FRMPD4: variants seen among roughly 807,000 people sequenced by gnomAD.
FRMPD4 encodes the protein FERM and PDZ domain-containing protein 4.
A neutral mutation model predicts 94.1 loss-of-function variants in FRMPD4; 22 were observed. That is an observed-to-expected ratio of 0.23 (90% confidence interval 0.17 to 0.33). The LOEUF (loss-of-function observed/expected upper bound fraction) is 0.33. Ranked by LOEUF, FRMPD4 falls within the 10% of genes least tolerant of loss-of-function variation. The pLI, the probability that FRMPD4 is intolerant of heterozygous loss-of-function variation, is 1.00. For synonymous variants in FRMPD4, 631 were observed against 548.6 expected (o/e 1.15, Z -2.10); for missense variants, 1,111 against 1,339.9 (o/e 0.83, Z 2.67).
chrX:12,194,761 A>AG (rs2056547097), intron 1 of FRMPD4, among the ~76,000 whole-genome samples: 1 of 111,889 alleles, frequency 8.9e-6, no homozygotes, highest in Non-Finnish European at 1.9e-5. Flanking sequence ...GATCTTTTTC[A>AG]GGGGGGAATA....
At chrX:12,465,448 G>A (rs1251459540) in intron 1 of FRMPD4, among the ~76,000 whole-genome samples, 2 of 111,346 alleles carry the variant, frequency 1.8e-5, no homozygotes, top group Non-Finnish European at 3.8e-5. Flanking sequence ...TGTCTTGGTG[G>A]CACAATCTAA....
intron 1 of FRMPD4, among the ~76,000 whole-genome samples, chrX:11,863,276 G>T (rs986679394): frequency 1.8e-5 from 2 of 109,308 alleles, no homozygotes; most frequent in African/African-American, 6.7e-5. Context: ...GCAGTGTTTG[G>T]TTTTTTGTCC....
At chrX:12,651,973 T>C (rs1180501543) in intron 4 of FRMPD4, among the ~76,000 whole-genome samples, 1 of 112,424 alleles carries the variant, frequency 8.9e-6, no homozygotes, top group African/African-American at 3.2e-5. Flanking sequence ...GGGTTCAAAA[T>C]TTTTCACATC....
intron 1 of FRMPD4, among the ~76,000 whole-genome samples, chrX:12,407,887 G>A (rs983937704): frequency 9.0e-6 from 1 of 110,985 alleles, no homozygotes; most frequent in African/African-American, 3.3e-5. Flanking sequence ...AGAATATTGT[G>A]ATTCGGGCCT....
At chrX:12,254,569 A>C (rs2054089123) in intron 1 of FRMPD4, among the ~76,000 whole-genome samples, 1 of 112,068 alleles carries the variant, frequency 8.9e-6, no homozygotes, top group Non-Finnish European at 1.9e-5. Flanking sequence ...TGCTCATCTC[A>C]GTCAAAATTT....
intron 2 of FRMPD4, among the ~76,000 whole-genome samples, chrX:12,543,016 T>C (rs951156081): frequency 3.6e-5 from 4 of 112,004 alleles, no homozygotes; most frequent in Admixed American, 2.8e-4. Flanking sequence ...TAAATGGTGC[T>C]GGGAAAACTG....
At chrX:12,077,853 C>T (rs886343753) in intron 3 of FRMPD4, among the ~76,000 whole-genome samples, 1 of 111,844 alleles carries the variant, frequency 8.9e-6, no homozygotes, top group Non-Finnish European at 1.9e-5. Context: ...AATCACTGCT[C>T]CTCCATGGGG....
At chrX:12,492,458 T>C (rs955881655) in intron 1 of FRMPD4, among the ~76,000 whole-genome samples, 2 of 112,289 alleles carry the variant, frequency 1.8e-5, no homozygotes, top group Non-Finnish European at 3.8e-5. Flanking sequence ...GTATTTCAAT[T>C]TGGTTGTTAA....
At chrX:12,265,476 T>C (rs564496734) in intron 1 of FRMPD4, among the ~76,000 whole-genome samples, 1 of 112,075 alleles carries the variant, frequency 8.9e-6, no homozygotes, top group Admixed American at 9.4e-5. Context: ...TGCTAGATGA[T>C]GACAGTGAGC....
chrX:11,999,039 C>A (rs1443893121), intron 3 of FRMPD4, among the ~76,000 whole-genome samples: 1 of 111,923 alleles, frequency 8.9e-6, no homozygotes, highest in Non-Finnish European at 1.9e-5. Flanking sequence ...TGTGTAATCT[C>A]TGGATAATTT....
intron 4 of FRMPD4, among the ~76,000 whole-genome samples, chrX:12,648,500 C>G (rs2059568053): frequency 8.9e-6 from 1 of 111,869 alleles, no homozygotes; most frequent in Admixed American, 9.6e-5. Flanking sequence ...TCCAAGATAT[C>G]TATCTGTAGT....
rs140150502 is a variant in FRMPD4, at chrX:11,922,890, G to T, written c.95+44872G>T. 6.7e-3 allele frequency among the ~76,000 whole-genome samples: 754 copies of T among 112,889 alleles called. 7 individuals are homozygous for T. The highest frequency in any genetic ancestry group is 0.022 in the African/African-American group (697 of 31,137). ...AAGGTGGTCTTGCACATCAGATGGG[G>T]CAGGTCTGACCTGAGCACCCCTTGG... On this transcript the variant is annotated intron_variant, in intron 3 of 18. Transcript: ENST00000640291.
intron 3 of FRMPD4, among the ~76,000 whole-genome samples, chrX:12,053,936 T>C (rs1015624937): frequency 1.8e-5 from 2 of 111,696 alleles, no homozygotes; most frequent in Non-Finnish European, 3.8e-5. Context: ...GGACAAAGAG[T>C]GCATGATCTA....
intron 1 of FRMPD4, among the ~76,000 whole-genome samples, chrX:12,207,519 G>A (rs1236861533): frequency 1.8e-5 from 2 of 110,053 alleles, no homozygotes; most frequent in Non-Finnish European, 3.8e-5. Flanking sequence ...ATCGTTGTTT[G>A]AAAGCTACTT....
chrX:12,665,345 G>A (rs762867062), intron 4 of FRMPD4, among the ~76,000 whole-genome samples: 2 of 111,014 alleles, frequency 1.8e-5, no homozygotes, highest in East Asian at 5.7e-4. Flanking sequence ...TTGGGAGGCT[G>A]AGGCAGGAGA....
rs1423395504 is a variant in FRMPD4 at position 12,716,341 on chromosome X, C to A, written c.1882C>A (p.Arg628=). Residue 628 remains arginine, a synonymous_variant, in exon 15 of 17, where the codon CGG becomes AGG. Transcript: ENST00000675598. ...CEADYRSLAQ[R]SLLTLSGPET... is the part of the protein sequence containing the mutation. Reference sequence around the variant, plus strand: ...GGCAGACTACAGAAGTCTAGCTCAGCGGTCCCTATTGACCCTCTCAGGACC... The same window carrying A: ...GGCAGACTACAGAAGTCTAGCTCAGAGGTCCCTATTGACCCTCTCAGGACC... 1 of 1,210,965 alleles carries A rather than the reference C, an allele frequency of 8.3e-7. No homozygotes were observed. The highest frequency in any genetic ancestry group is 1.1e-6 in the Non-Finnish European group (1 of 894,710).
chrX:11,916,097 A>T (rs997887966), intron 3 of FRMPD4, among the ~76,000 whole-genome samples: 1 of 110,938 alleles, frequency 9.0e-6, no homozygotes, highest in Non-Finnish European at 1.9e-5. Context: ...GATGAATTTT[A>T]AAAAATGAAG....
chrX:12,647,373 G>C (rs2059557576), intron 4 of FRMPD4, among the ~76,000 whole-genome samples: 1 of 112,195 alleles, frequency 8.9e-6, no homozygotes, highest in South Asian at 3.8e-4. Context: ...GGGAGTTCCA[G>C]GATCAGTGTA....
chrX:11,895,841 A>G (rs918475047), intron 3 of FRMPD4, among the ~76,000 whole-genome samples: 8 of 112,234 alleles, frequency 7.1e-5, no homozygotes, highest in Non-Finnish European at 1.3e-4. Context: ...TAGCTGGGTC[A>G]ATGTTCATGG....
Sources: allele counts gnomAD v4.1 joint callset (sites outside exome capture counted in the v4.1 genomes callset), GRCh38; gene constraint gnomAD v4.1.1; transcripts MANE v1.5; gene names NCBI Gene and HGNC (gene_info 2026-07-23, HGNC 2026-07-21).